Variants in TG observed in about 807,000 individuals in gnomAD.
TG encodes thyroid hormones.
Under a neutral mutation model 324.7 loss-of-function variants are expected in TG, and 270 were observed. That is an observed-to-expected ratio of 0.83 (90% CI 0.75 to 0.92). The LOEUF (loss-of-function observed/expected upper bound fraction) is 0.92, where lower values mean the gene tolerates loss of function less well. Among genes scored for constraint, TG ranks in the 40% least tolerant of loss-of-function variants. The pLI, the probability that TG is intolerant of heterozygous loss-of-function variation, is 0.00. For synonymous variants in TG, 1,401 were observed against 1,327.0 expected, an observed-to-expected ratio of 1.06 and a Z score of -1.21; for missense variants, 3,591 against 3,456.4, an observed-to-expected ratio of 1.04 and a Z score of -0.98.
At chr8:132,998,518 C>G (rs1269074484) in intron 35 of TG, among the ~76,000 whole-genome samples, 2 of 152,090 alleles carry the variant, frequency 1.3e-5, no homozygotes, top group African/African-American at 4.8e-5. Flanking sequence ...TTGGGTTAGT[C>G]CCATTGGGAG....
intron 33 of TG, chr8:132,972,227 G>A (rs1829625237): frequency 4.5e-6 from 2 of 446,038 alleles, no homozygotes; most frequent in South Asian, 4.3e-5. Context: ...ACTAGTGTGT[G>A]ATTCTGGAAA....
At chr8:132,995,588 C>A in intron 35 of TG, 1 of 899,926 alleles carries the variant, frequency 1.1e-6, no homozygotes, top group Non-Finnish European at 1.3e-6. Context: ...CAGGATCATG[C>A]ATGTGACCCC....
intron 33 of TG, among the ~76,000 whole-genome samples, 172 bp downstream of exon 33, chr8:132,972,045 C>T (rs117512053): frequency 0.028 from 4,329 of 152,264 alleles, 108 homozygotes; most frequent in Non-Finnish European, 0.046. Flanking sequence ...TGAGACATGG[C>T]TCCTAGTCCA....
chr8:132,899,275 G>C (rs1314216223), intron 14 of TG, among the ~76,000 whole-genome samples: 5 of 152,192 alleles, frequency 3.3e-5, no homozygotes, highest in Non-Finnish European at 7.3e-5. Context: ...AGTGTCCCAG[G>C]TTCTCAACAC....
intron 41 of TG, among the ~76,000 whole-genome samples, chr8:133,042,678 C>CCTTTTTTTT (rs1554706932): frequency 0.012 from 688 of 56,800 alleles, 78 homozygotes; most frequent in East Asian, 0.04. Flanking sequence ...CATTCTGTGT[C>CCTTTTTTTT]TTTTTTTTTT....
chr8:133,095,931 T>C (rs1288649699), intron 42 of TG, among the ~76,000 whole-genome samples: 6 of 152,206 alleles, frequency 3.9e-5, no homozygotes, highest in Non-Finnish European at 7.3e-5. Context: ...CTCACCCACC[T>C]ACAGGCTCAG....
At chr8:132,909,995 G>A (rs1468877963) in intron 18 of TG, among the ~76,000 whole-genome samples, 1 of 152,180 alleles carries the variant, frequency 6.6e-6, no homozygotes, top group Admixed American at 6.5e-5. Context: ...TATGTTTAAA[G>A]CACTTCACAC....
At chr8:132,963,231 A>G (rs1486815284) in intron 29 of TG, among the ~76,000 whole-genome samples, 157 bp downstream of exon 29, 1 of 152,194 alleles carries the variant, frequency 6.6e-6, no homozygotes, top group Non-Finnish European at 1.5e-5. Context: ...TCCAGCTCAT[A>G]AATATGGGAA....
chr8:133,062,838 G>A (rs1022877298), intron 41 of TG, among the ~76,000 whole-genome samples: 12 of 152,164 alleles, frequency 7.9e-5, no homozygotes, highest in Admixed American at 3.3e-4. Flanking sequence ...CATGTGACAC[G>A]CACAGGGTGT....
intron 35 of TG, among the ~76,000 whole-genome samples, chr8:133,007,054 G>A (rs986292036): frequency 6.6e-6 from 1 of 152,138 alleles, no homozygotes; most frequent in South Asian, 2.1e-4. Flanking sequence ...AGTGTTGACT[G>A]GAGGTTGGCT....
Position 132,935,768 on chromosome 8 carries a change from C to T in TG, c.4945C>T (p.Leu1649=). 6.2e-7 allele frequency: 1 copy of T among 1,612,820 alleles called. No homozygotes were observed. The highest frequency in any genetic ancestry group is 8.5e-7 in the Non-Finnish European group (1 of 1,179,894). The change falls in exon 25 of 48, where the codon CTG becomes TTG. Residue 1649 remains leucine (L), a synonymous_variant. Transcript: ENST00000220616. The part of the protein sequence containing the change: ...CMTSDQKRDA[L]GNSKATSFGS... ...TTTCCATCTCCAGAAACGAGATGCA[C>T]TGGGGAACTCAAAGGCCACCAGCTT...
chr8:133,105,878 G>A (rs1166554768), intron 43 of TG, among the ~76,000 whole-genome samples: 1 of 152,134 alleles, frequency 6.6e-6, no homozygotes, highest in African/African-American at 2.4e-5. Flanking sequence ...GGCGTCTACT[G>A]GTGGACCTCT....
At chr8:132,924,752 T>G (rs1226981402) in intron 22 of TG, among the ~76,000 whole-genome samples, 2 of 152,222 alleles carry the variant, frequency 1.3e-5, no homozygotes, top group Admixed American at 1.3e-4. Flanking sequence ...CTCAGCAGTT[T>G]CTTCGTCTGT....
Position 132,887,345 on chromosome 8 carries a change from G to GC in TG, c.1977dup (p.Thr660HisfsTer4). On this transcript the variant is annotated frameshift_variant, in exon 9 of 48. Transcript: ENST00000220616. LOFTEE classifies it high-confidence loss of function. The stretch of plus-strand genomic sequence containing the variant: ...AGAGTCAGAGGTGGACAGCCAAGGT[G>GC]CCCCACAGACTGTGAAAAGCAAAGG... 6.2e-7 allele frequency: 1 copy of GC among 1,613,234 alleles called. No individual in the cohort carries two copies. Among genetic ancestry groups the GC allele is most frequent in the African/African-American group, 1.3e-5 (1 of 75,034 alleles).
intron 25 of TG, among the ~76,000 whole-genome samples, chr8:132,938,488 TCTGAAAGGCCTTCCTGGC>T (rs1161360172): frequency 3.3e-5 from 5 of 152,104 alleles, no homozygotes; most frequent in African/African-American, 1.2e-4. Context: ...CTCCTCTGAG[TCTGAAAGGCCTTCCTGGC>T]CTGCTTCATT....
intron 29 of TG, chr8:132,965,008 C>T: frequency 5.8e-6 from 4 of 684,714 alleles, no homozygotes; most frequent in Admixed American, 2.2e-5. Context: ...TGCCTTCAGT[C>T]CTGCTGCCTT....
At chr8:132,981,742 G>T (rs1587671504) in intron 34 of TG, among the ~76,000 whole-genome samples, 1 of 152,232 alleles carries the variant, frequency 6.6e-6, no homozygotes, top group Non-Finnish European at 1.5e-5. Flanking sequence ...CCAGCAAGGT[G>T]TGTGTTACCA....
chr8:133,050,218 G>T, intron 41 of TG: 1 of 539,206 alleles, frequency 1.9e-6, no homozygotes, highest in Non-Finnish European at 3.3e-6. Context: ...CCTCCCATGT[G>T]CTAGAAATAG....
intron 25 of TG, among the ~76,000 whole-genome samples, chr8:132,936,812 C>A (rs1166308501): frequency 6.6e-6 from 1 of 152,214 alleles, no homozygotes; most frequent in African/African-American, 2.4e-5. Context: ...GGGCCATGGC[C>A]AGGCTCTGAC....
Sources: allele counts gnomAD v4.1 joint callset (sites outside exome capture counted in the v4.1 genomes callset), GRCh38; gene constraint gnomAD v4.1.1; transcripts MANE v1.5; gene names NCBI Gene and HGNC (gene_info 2026-07-23, HGNC 2026-07-21).